The following DPY19L2 variants were observed in gnomAD, a reference collection of about 807,000 sequenced individuals.
The protein encoded by DPY19L2 is probable C-mannosyltransferase DPY19L2.
A neutral mutation model predicts 97.9 loss-of-function variants in DPY19L2; 34 were observed. The observed-to-expected ratio is 0.35, with a 90% CI of 0.26 to 0.46. The LOEUF is 0.46. Ranked by LOEUF, DPY19L2 falls within the 20% of genes least tolerant of loss-of-function variation. DPY19L2 has a pLI of 1.00. For synonymous variants in DPY19L2, 230 were observed against 307.9 expected, an observed-to-expected ratio of 0.75 and a Z score of 2.65; for missense variants, 623 against 911.4, an observed-to-expected ratio of 0.68 and a Z score of 4.07.
chr12:63,585,546 G>A lies in DPY19L2; in HGVS notation c.1581-1710C>T, dbSNP rs149201860. Reference sequence around the variant, plus strand: ...CCCTGTGTATGCAGTTAACGGAGTGGGGTTTCTCCACTTGTCCCGAAATCT... The same window carrying A: ...CCCTGTGTATGCAGTTAACGGAGTGAGGTTTCTCCACTTGTCCCGAAATCT... On this transcript the variant is annotated intron_variant, in intron 16 of 21. Coordinates refer to ENST00000324472, the MANE Select transcript of DPY19L2 (RefSeq NM_173812.5). Among the ~76,000 whole-genome samples the A allele has an allele frequency of 2.7e-3, 406 of 152,118 alleles. 2 individuals carry two copies. Among genetic ancestry groups the A allele is most frequent in the Middle Eastern group, 0.024 (7 of 294 alleles).
chr12:63,585,711 AT>A (rs1881682621), intron 16 of DPY19L2, among the ~76,000 whole-genome samples: 1 of 152,172 alleles, frequency 6.6e-6, no homozygotes, highest in Non-Finnish European at 1.5e-5. Context: ...AAATGTGAAT[AT>A]ACAACCAAAT....
intron 21 of DPY19L2, among the ~76,000 whole-genome samples, chr12:63,561,505 T>C (rs1421558835): frequency 1.3e-5 from 2 of 152,168 alleles, no homozygotes; most frequent in Non-Finnish European, 1.5e-5. Flanking sequence ...GAATTTCATA[T>C]AAATATATTA....
At chr12:63,637,045 C>T (rs1464153412) in intron 6 of DPY19L2, among the ~76,000 whole-genome samples, 2 of 152,074 alleles carry the variant, frequency 1.3e-5, no homozygotes, top group Non-Finnish European at 2.9e-5. Flanking sequence ...GTAAAGCACT[C>T]CTCAGCAAAT....
chr12:63,653,208 T>C (rs530055040), intron 4 of DPY19L2, among the ~76,000 whole-genome samples: 1 of 151,964 alleles, frequency 6.6e-6, no homozygotes, highest in South Asian at 2.1e-4. Flanking sequence ...CCTACATTCA[T>C]GTCATTGGAG....
intron 16 of DPY19L2, among the ~76,000 whole-genome samples, chr12:63,589,377 A>AAAAAAAAAAAAAAAAG (rs1882460929): frequency 7.2e-6 from 1 of 139,568 alleles, no homozygotes; most frequent in Non-Finnish European, 1.6e-5. Flanking sequence ...AAAAAAAAAA[A>AAAAAAAAAAAAAAAAG]AAAAAAAAAA....
chr12:63,629,611 G>A (rs1193283534), intron 6 of DPY19L2, among the ~76,000 whole-genome samples: 1 of 152,140 alleles, frequency 6.6e-6, no homozygotes, highest in Admixed American at 6.5e-5. Flanking sequence ...GAAAGTGATG[G>A]GGAGAATGGA....
intron 12 of DPY19L2, among the ~76,000 whole-genome samples, chr12:63,602,469 G>C (rs1041485443): frequency 4.6e-5 from 7 of 152,156 alleles, no homozygotes; most frequent in Non-Finnish European, 7.4e-5. Flanking sequence ...CCACAGCAAT[G>C]AATCAAAACT....
intron 13 of DPY19L2, among the ~76,000 whole-genome samples, 153 bp from the exon 14 acceptor site, chr12:63,598,063 G>A (rs1884545923): frequency 6.6e-6 from 1 of 151,750 alleles, no homozygotes; most frequent in South Asian, 2.1e-4. Context: ...AAACTACAGT[G>A]AACCAAATAT....
In DPY19L2 at chr12:63,630,344, T is replaced by A. The variant is rs11531249; in HGVS notation, c.804-3818A>T. On this transcript the variant is annotated intron_variant, in intron 6 of 21. Coordinates refer to ENST00000324472, the MANE Select transcript of DPY19L2 (RefSeq NM_173812.5). Reference sequence around the variant, plus strand: ...CCCATCTCACATGCAGAGACACACATAGGCTCAAAATAAAGGGACAGAGGA... The same window carrying A: ...CCCATCTCACATGCAGAGACACACAAAGGCTCAAAATAAAGGGACAGAGGA... Among the ~76,000 whole-genome samples the A allele has an allele frequency of 4.9e-3, 743 of 151,994 alleles. 38 individuals are homozygous for A. In the East Asian group the frequency reaches 0.12, roughly 25 times the overall value.
intron 6 of DPY19L2, among the ~76,000 whole-genome samples, chr12:63,628,853 T>A (rs1890068594): frequency 6.6e-6 from 1 of 150,928 alleles, no homozygotes; most frequent in Admixed American, 6.6e-5. Flanking sequence ...AGCCGGGTAC[T>A]CCTCTGAGAC....
At chr12:63,644,939 C>T (rs140455864) in intron 5 of DPY19L2, among the ~76,000 whole-genome samples, 2,714 of 152,120 alleles carry the variant, frequency 0.018, 101 homozygotes, top group African/African-American at 0.062. Context: ...AAATCCATTA[C>T]ATTATTTTTA....
chr12:63,652,202 C>G (rs1894348106), intron 4 of DPY19L2, among the ~76,000 whole-genome samples: 1 of 152,102 alleles, frequency 6.6e-6, no homozygotes, highest in East Asian at 1.9e-4. Context: ...CATCACTGAT[C>G]ATTAGAGAAA....
chr12:63,608,609 A>C lies in DPY19L2; in HGVS notation c.1278+7T>G. ...AAATAAACTGCATTAAAAACATTGA[A>C]TCTTACCCAAAAGTTGAGTTTAGAT... On this transcript the variant is annotated splice_region_variant and intron_variant, in intron 12 of 21. Transcript: ENST00000324472. The C allele has an allele frequency of 6.5e-7, 1 of 1,526,822 alleles. No individual in the cohort carries two copies. Among genetic ancestry groups the C allele is most frequent in the East Asian group, 2.3e-5 (1 of 43,426 alleles). 94.6% of individuals were successfully genotyped at this position (1,526,822 alleles called of 1,614,324 possible). A position where few individuals can be genotyped will look rare whatever the true frequency, so the allele number is the denominator to read the frequency against.
intron 3 of DPY19L2, among the ~76,000 whole-genome samples, chr12:63,662,981 C>T (rs899113167): frequency 3.9e-5 from 6 of 152,066 alleles, no homozygotes; most frequent in African/African-American, 1.4e-4. Flanking sequence ...TGGATGTGGA[C>T]AGTGGTAATA....
At chr12:63,648,308 C>A (rs1184682070) in intron 4 of DPY19L2, among the ~76,000 whole-genome samples, 1 of 151,782 alleles carries the variant, frequency 6.6e-6, no homozygotes, top group East Asian at 1.9e-4. Context: ...TCAAACAGCA[C>A]AAAACAGACT....
At chr12:63,647,852 G>T (rs1327642563) in intron 4 of DPY19L2, among the ~76,000 whole-genome samples, 1 of 152,134 alleles carries the variant, frequency 6.6e-6, no homozygotes, top group South Asian at 2.1e-4. Flanking sequence ...TAACTTATAT[G>T]GTTATGAGTT....
chr12:63,632,963 G>A (rs1296179653), intron 6 of DPY19L2, among the ~76,000 whole-genome samples: 1 of 152,144 alleles, frequency 6.6e-6, no homozygotes, highest in African/African-American at 2.4e-5. Context: ...AAGCAATGGG[G>A]AAACGATTCC....
At chr12:63,622,043 T>C (rs1465570007) in intron 8 of DPY19L2, among the ~76,000 whole-genome samples, 1 of 152,170 alleles carries the variant, frequency 6.6e-6, no homozygotes, top group African/African-American at 2.4e-5. Flanking sequence ...TGTACAATCG[T>C]ATATAAATTT....
Position 63,616,012 on chromosome 12 carries a change from T to C in DPY19L2, c.1218+1292A>G, listed in dbSNP as rs191500344. ...ACAACTATTTGCATAGTATTTATAT[T>C]GCATTAGACGTTATAAGTAACCTAG... On this transcript the variant is annotated intron_variant, in intron 11 of 21. Coordinates refer to ENST00000324472, the MANE Select transcript of DPY19L2 (RefSeq NM_173812.5). 2.1e-3 allele frequency among the ~76,000 whole-genome samples: 327 copies of C among 152,278 alleles called. 2 individuals are homozygous for C. Among genetic ancestry groups the C allele is most frequent in the African/African-American group, 6.6e-3 (273 of 41,540 alleles).
Sources: gnomAD v4.1 joint callset for allele counts (sites outside exome capture counted in the v4.1 genomes callset) on GRCh38, gnomAD v4.1.1 for gene constraint, MANE v1.5 for transcripts, NCBI Gene and HGNC (gene_info 2026-07-23, HGNC 2026-07-21) for gene names.